TEX11: variants seen among roughly 807,000 people sequenced by gnomAD.
The protein encoded by TEX11 is testis expressed 11.
In TEX11, 7 loss-of-function variants were observed where a neutral mutation model predicts 84.4. That is an observed-to-expected ratio of 0.08 (90% confidence interval 0.05 to 0.16). The LOEUF (loss-of-function observed/expected upper bound fraction) is 0.16, where lower values mean the gene tolerates loss of function less well. Among genes scored for constraint, TEX11 ranks in the 10% least tolerant of loss-of-function variants. The pLI, the probability that TEX11 is intolerant of heterozygous loss-of-function variation, is 1.00. For synonymous variants in TEX11, 264 were observed against 222.8 expected (o/e 1.18, Z -1.64); for missense variants, 551 against 660.5 (o/e 0.83, Z 1.82).
At chrX:70,616,345 T>C (rs952007082) in intron 20 of TEX11, among the ~76,000 whole-genome samples, 5 of 112,027 alleles carry the variant, frequency 4.5e-5, no homozygotes, top group African/African-American at 1.6e-4. Context: ...TAGTAGTTAA[T>C]TTGTTTATGC....
chrX:70,897,615 GGAAGGAAGGAAGGAAGGAAGGAAGGA>G (rs2091776751), intron 2 of TEX11: 1 of 40,684 alleles, frequency 2.5e-5, no homozygotes, highest in Admixed American at 3.4e-4. Flanking sequence ...AAAAAAGGAA[GGAAGGAAGGAAGGAAGGAAGGAAGGA>G]AGGAAGGAAG....
At chrX:70,642,267 G>T (rs1302402798) in intron 17 of TEX11, among the ~76,000 whole-genome samples, 1 of 111,665 alleles carries the variant, frequency 9.0e-6, no homozygotes, top group Non-Finnish European at 1.9e-5. Flanking sequence ...TGATATTGTG[G>T]CAATAATCAA....
At chrX:70,748,418 A>G (rs1392279746) in intron 9 of TEX11, among the ~76,000 whole-genome samples, 1 of 111,853 alleles carries the variant, frequency 8.9e-6, no homozygotes, top group Non-Finnish European at 1.9e-5. Context: ...TGGAGTAAAG[A>G]AGGCAAAAAG....
At chrX:70,754,733 T>C (rs1275895218) in intron 9 of TEX11, among the ~76,000 whole-genome samples, 2 of 106,639 alleles carry the variant, frequency 1.9e-5, no homozygotes, top group South Asian at 4.3e-4. Flanking sequence ...TTCAGGTAGC[T>C]CAGGAGAGAG....
chrX:70,733,323 G>C (rs144837655), intron 11 of TEX11, among the ~76,000 whole-genome samples: 2 of 111,169 alleles, frequency 1.8e-5, no homozygotes, highest in African/African-American at 6.6e-5. Flanking sequence ...AAACTAAAGA[G>C]CTTCTGCACA....
At chrX:70,727,203 T>A (rs1399905461) in intron 11 of TEX11, among the ~76,000 whole-genome samples, 1 of 111,423 alleles carries the variant, frequency 9.0e-6, no homozygotes, top group Admixed American at 9.5e-5. Flanking sequence ...CTAAAGGACA[T>A]AATCTTTCCA....
At chrX:70,797,911 A>T (rs2091164728) in intron 9 of TEX11, among the ~76,000 whole-genome samples, 1 of 94,494 alleles carries the variant, frequency 1.1e-5, no homozygotes, top group African/African-American at 3.9e-5. Context: ...CTAGATGGTA[A>T]AAAGGTTAAA....
chrX:70,621,931 G>A (rs2089400195), intron 20 of TEX11, among the ~76,000 whole-genome samples: 1 of 110,503 alleles, frequency 9.0e-6, no homozygotes, highest in Admixed American at 9.7e-5. Context: ...AAAATATACA[G>A]TACAAATAAG....
chrX:70,614,046 G>A (rs1373129372), intron 20 of TEX11, among the ~76,000 whole-genome samples: 1 of 111,706 alleles, frequency 9.0e-6, no homozygotes, highest in Non-Finnish European at 1.9e-5. Flanking sequence ...GTGATCCCAA[G>A]TAGTACACTG....
intron 11 of TEX11, among the ~76,000 whole-genome samples, chrX:70,732,182 C>T (rs1356543365): frequency 2.7e-5 from 3 of 111,585 alleles, no homozygotes; most frequent in Non-Finnish European, 5.6e-5. Flanking sequence ...CTATGACAAA[C>T]CCACAGCCTA....
At chrX:70,680,497 T>C (rs1470979303) in intron 14 of TEX11, among the ~76,000 whole-genome samples, 9 of 90,737 alleles carry the variant, frequency 9.9e-5, no homozygotes, top group Non-Finnish European at 4.3e-5. Flanking sequence ...TGTTCACTTG[T>C]TTATCTGCTG....
At chrX:70,683,306 G>A (rs1451244291) in intron 13 of TEX11, among the ~76,000 whole-genome samples, 3 of 112,223 alleles carry the variant, frequency 2.7e-5, no homozygotes, top group Non-Finnish European at 5.6e-5. Flanking sequence ...TATTCCCAAA[G>A]TGATCTACAG....
chrX:70,734,561 G>C (rs1206698043), intron 11 of TEX11, among the ~76,000 whole-genome samples: 1 of 111,783 alleles, frequency 8.9e-6, no homozygotes, highest in Non-Finnish European at 1.9e-5. Flanking sequence ...AAGAACAACT[G>C]TTGTATAGTA....
chrX:70,711,620 A>G (rs1433879222), intron 13 of TEX11, among the ~76,000 whole-genome samples: 1 of 112,007 alleles, frequency 8.9e-6, no homozygotes, highest in African/African-American at 3.2e-5. Flanking sequence ...TCCTTTGCCA[A>G]CTTGTTGATG....
chrX:70,607,088 C>G lies in TEX11; in HGVS notation c.1880-59G>C, dbSNP rs1026541967. On this transcript the variant is annotated intron_variant, in intron 22 of 29. Transcript: ENST00000374333. The stretch of plus-strand genomic sequence containing the variant: ...AAATTATGAAAATCTACCATTTAGT[C>G]TGTACCATTACAATTTCTGATACTT... 5 of 897,184 alleles carry G rather than the reference C, an allele frequency of 5.6e-6. No individual in the cohort carries two copies. The Admixed American group carries it at 1.1e-4, about 20-fold the overall frequency. 73.9% of individuals were successfully genotyped at this position (897,184 alleles called of 1,213,427 possible). A position where few individuals can be genotyped will look rare whatever the true frequency, so the allele number is the denominator to read the frequency against.
At chrX:70,522,709 T>TA in the TEX11 span, among the ~76,000 whole-genome samples, 1 of 91,632 alleles carries the variant, frequency 1.1e-5, no homozygotes, top group African/African-American at 4.2e-5. Context: ...AATTTTGTAT[T>TA]TTTTTTTTTT....
At chrX:70,788,971 T>TAGAAAG (rs1337790406) in intron 9 of TEX11, among the ~76,000 whole-genome samples, 1 of 18,874 alleles carries the variant, frequency 5.3e-5, no homozygotes, top group Non-Finnish European at 9.0e-5. Flanking sequence ...TATATATATA[T>TAGAAAG]ATAGAGAGAG....
At chrX:70,603,610 C>A (rs961511207) in intron 24 of TEX11, among the ~76,000 whole-genome samples, 4 of 111,487 alleles carry the variant, frequency 3.6e-5, no homozygotes, top group African/African-American at 1.3e-4. Context: ...CTAAAGGAAA[C>A]CTAGGCATTA....
chrX:70,511,752 C>CAAAAAAAAAAAAAAAAAAAA, the TEX11 span, among the ~76,000 whole-genome samples: 15 of 32,716 alleles, frequency 4.6e-4, no homozygotes, highest in Non-Finnish European at 6.1e-4. Context: ...GACTCCATCT[C>CAAAAAAAAAAAAAAAAAAAA]AAAAAAAAAA....
Sources: gnomAD v4.1 joint callset for allele counts (sites outside exome capture counted in the v4.1 genomes callset) on GRCh38, gnomAD v4.1.1 for gene constraint, MANE v1.5 for transcripts, NCBI Gene and HGNC (gene_info 2026-07-23, HGNC 2026-07-21) for gene names.